The following DOCK1 variants were observed in gnomAD, a reference collection of about 807,000 sequenced individuals.
DOCK1 encodes dedicator of cytokinesis 1, also known as dedicator of cytokinesis protein 1.
A neutral mutation model predicts 262.7 loss-of-function variants in DOCK1; 138 were observed. The ratio of observed to expected loss-of-function variants is 0.53; its 90% CI spans 0.46 to 0.61. The LOEUF (loss-of-function observed/expected upper bound fraction) is 0.61, where lower values mean the gene tolerates loss of function less well. Ranked by LOEUF, DOCK1 falls within the 20% of genes least tolerant of loss-of-function variation. The pLI is 0.00. For missense variants in DOCK1, 1,908 were observed against 2,370.7 expected, an observed-to-expected ratio of 0.80 and a Z score of 4.05; for synonymous variants, 866 against 867.4, an observed-to-expected ratio of 1.00 and a Z score of 0.03.
intron 27 of DOCK1, among the ~76,000 whole-genome samples, chr10:127,223,744 T>C (rs1469692726): frequency 6.6e-6 from 1 of 151,914 alleles, no homozygotes; most frequent in African/African-American, 2.4e-5. Context: ...TTTTTGGGAG[T>C]GCTGTTTGTT....
intron 25 of DOCK1, among the ~76,000 whole-genome samples, chr10:127,116,534 T>A (rs2049190603): frequency 2.0e-5 from 3 of 152,152 alleles, no homozygotes; most frequent in African/African-American, 7.2e-5. Flanking sequence ...GAAATTTATA[T>A]CTCAAAAATT....
chr10:127,436,304 C>T (rs1479323767), intron 48 of DOCK1, among the ~76,000 whole-genome samples: 5 of 152,106 alleles, frequency 3.3e-5, no homozygotes, highest in African/African-American at 9.7e-5. Context: ...ATTGCTTGAG[C>T]TCTGGAGTTC....
Position 127,196,245 on chromosome 10 carries a change from T to C in DOCK1, c.2848-51763T>C, listed in dbSNP as rs1211108879. 3 of 147,690 alleles carry C rather than the reference T, an allele frequency of 2.0e-5. No homozygotes were observed. The East Asian group carries it at 6.1e-4, about 30-fold the overall frequency. 9.1% of individuals were successfully genotyped at this position (147,690 alleles called of 1,614,324 possible). On this transcript the variant is annotated intron_variant, in intron 27 of 51. Coordinates refer to ENST00000623213, the MANE Select transcript of DOCK1 (RefSeq NM_001290223.2). ...GCCGGCCCCCGCGCCGCAGCTCGCGTCGCTCGCGTCCCTCCGGCCCCGCTT... is the reference window on the plus strand; with the variant it reads ...GCCGGCCCCCGCGCCGCAGCTCGCGCCGCTCGCGTCCCTCCGGCCCCGCTT...
At chr10:127,289,931 A>G (rs1304332908) in intron 29 of DOCK1, among the ~76,000 whole-genome samples, 1 of 146,522 alleles carries the variant, frequency 6.8e-6, no homozygotes, top group Non-Finnish European at 1.5e-5. Context: ...CTAGCTATAT[A>G]TTTCTGATAT....
At chr10:127,037,373 CA>C (rs2043707263) in intron 18 of DOCK1, among the ~76,000 whole-genome samples, 1 of 152,236 alleles carries the variant, frequency 6.6e-6, no homozygotes, top group Non-Finnish European at 1.5e-5. Context: ...AGTGCCTGGG[CA>C]GCGCTTTCTG....
chr10:126,919,594 A>G (rs2032963871), intron 1 of DOCK1, among the ~76,000 whole-genome samples: 1 of 152,142 alleles, frequency 6.6e-6, no homozygotes, highest in East Asian at 1.9e-4. Context: ...GGTGACCCCG[A>G]TGACGGTCTG....
intron 27 of DOCK1, among the ~76,000 whole-genome samples, chr10:127,220,894 A>G (rs2058409905): frequency 6.6e-6 from 1 of 152,154 alleles, no homozygotes; most frequent in Admixed American, 6.6e-5. Context: ...GGCTCCATGG[A>G]GGAGCAGAGC....
intron 27 of DOCK1, among the ~76,000 whole-genome samples, chr10:127,221,246 C>T (rs971134745): frequency 6.6e-6 from 1 of 152,174 alleles, no homozygotes; most frequent in African/African-American, 2.4e-5. Context: ...TTTATATTCA[C>T]GTTGTTTTTC....
At chr10:127,392,551 A>T (rs1231454207) in intron 38 of DOCK1, among the ~76,000 whole-genome samples, 1 of 152,182 alleles carries the variant, frequency 6.6e-6, no homozygotes, top group African/African-American at 2.4e-5. Context: ...CGGGGCTTTC[A>T]GGGTGGTCAT....
At chr10:126,910,625 A>G (rs541028470) in intron 1 of DOCK1, among the ~76,000 whole-genome samples, 86 of 152,328 alleles carry the variant, frequency 5.6e-4, no homozygotes, top group Middle Eastern at 3.4e-3. Flanking sequence ...AGTTTCACCT[A>G]AGGTTACGTC....
In DOCK1 at chr10:127,418,520, G is replaced by A. The variant is rs1215780837; in HGVS notation, c.4671G>A (p.Gly1557=). 2 of 1,613,922 alleles carry A rather than the reference G, an allele frequency of 1.2e-6. No homozygotes were observed. The highest frequency in any genetic ancestry group is 2.2e-5 in the East Asian group (1 of 44,872). Residue 1557 remains glycine (G), a synonymous_variant, in exon 45 of 52, where the codon GGG becomes GGA. Transcript: ENST00000623213. ...GCATCGTGGACCCAGCTGTCATGGGGGGCTTCGCAAACTACGAAAAGGTAC... is the reference window on the plus strand; with the variant it reads ...GCATCGTGGACCCAGCTGTCATGGGAGGCTTCGCAAACTACGAAAAGGTAC... ...LNGIVDPAVM[G]GFANYEKAFF... is the part of the protein sequence containing the mutation.
rs940181472 is a variant in DOCK1 at position 127,031,388 on chromosome 10, G to C, written c.1625-262G>C. 1.5e-4 allele frequency among the ~76,000 whole-genome samples: 23 copies of C among 152,194 alleles called. 1 individual carries two copies. The highest frequency in any genetic ancestry group is 1.4e-3 in the Admixed American group (21 of 15,294). On this transcript the variant is annotated intron_variant, in intron 16 of 51. Transcript: ENST00000623213. ...TCCTGGAATCCGTTTTCACGTTCCA[G>C]GAAAAATCTCTTCTATGAGATTTTG... is the stretch of plus-strand genomic sequence containing the variant.
intron 27 of DOCK1, among the ~76,000 whole-genome samples, chr10:127,174,365 A>G (rs538010524): frequency 1.0e-3 from 159 of 152,314 alleles, no homozygotes; most frequent in Non-Finnish European, 1.9e-3. Context: ...CCAGAGTAGA[A>G]CAGGCTGCTT....
intron 27 of DOCK1, among the ~76,000 whole-genome samples, chr10:127,157,499 C>T (rs2133595473): frequency 6.6e-6 from 1 of 152,360 alleles, no homozygotes; most frequent in East Asian, 1.9e-4. Flanking sequence ...TACTCTCAAT[C>T]CTCTCCTTCT....
Position 127,296,098 on chromosome 10 carries a change from C to T in DOCK1, c.3044+38669C>T, listed in dbSNP as rs553507445. On this transcript the variant is annotated intron_variant, in intron 29 of 51. Coordinates refer to ENST00000623213, the MANE Select transcript of DOCK1 (RefSeq NM_001290223.2). ...TGAAATGAGCAGTTGTTGTACTTGCCGTATAATTTCTGAGGCCTCTTCTTA... is the reference window on the plus strand; with the variant it reads ...TGAAATGAGCAGTTGTTGTACTTGCTGTATAATTTCTGAGGCCTCTTCTTA... 4.4e-4 allele frequency among the ~76,000 whole-genome samples: 67 copies of T among 152,206 alleles called. 3 individuals carry two copies. The highest frequency in any genetic ancestry group is 1.8e-4 in the Non-Finnish European group (12 of 68,024).
intron 18 of DOCK1, among the ~76,000 whole-genome samples, chr10:127,036,981 G>GAAAAAAAAA (rs11429952): frequency 0.016 from 2,081 of 127,536 alleles, 31 homozygotes; most frequent in Middle Eastern, 0.035. Context: ...CCATCTCAAG[G>GAAAAAAAAA]AAAAAAAAAA....
At chr10:127,095,661 CTGTGTGTGTG>C (rs61224822) in intron 23 of DOCK1, among the ~76,000 whole-genome samples, 11 of 148,098 alleles carry the variant, frequency 7.4e-5, no homozygotes, top group East Asian at 2.0e-4. Context: ...GGCCAGGAAG[CTGTGTGTGTG>C]TGTGTGTGTG....
intron 47 of DOCK1, among the ~76,000 whole-genome samples, chr10:127,426,222 T>A (rs981578667): frequency 2.0e-5 from 3 of 152,240 alleles, no homozygotes; most frequent in African/African-American, 7.2e-5. Flanking sequence ...TCAGGGCGAA[T>A]AAACATTCAT....
At chr10:127,244,202 T>C (rs2059358029) in intron 27 of DOCK1, among the ~76,000 whole-genome samples, 1 of 152,154 alleles carries the variant, frequency 6.6e-6, no homozygotes, top group South Asian at 2.1e-4. Flanking sequence ...AATATTTCAT[T>C]GCAACGTTTG....
Sources: allele counts gnomAD v4.1 joint callset (sites outside exome capture counted in the v4.1 genomes callset), GRCh38; gene constraint gnomAD v4.1.1; transcripts MANE v1.5; gene names NCBI Gene and HGNC (gene_info 2026-07-23, HGNC 2026-07-21).